Variants in UBR2 observed in about 807,000 individuals in gnomAD.
UBR2 encodes the protein ubiquitin protein ligase E3 component n-recognin 2, also known as E3 ubiquitin-protein ligase UBR2.
In UBR2, 92 loss-of-function variants were observed where a neutral mutation model predicts 247.9. That is an observed-to-expected ratio of 0.37 (90% CI 0.31 to 0.44). The LOEUF (loss-of-function observed/expected upper bound fraction) is 0.44, where lower values mean the gene tolerates loss of function less well. Among genes scored for constraint, UBR2 ranks in the 20% least tolerant of loss-of-function variants. UBR2 has a pLI of 1.00. For synonymous variants in UBR2, 672 were observed against 693.5 expected (o/e 0.97, Z 0.49); for missense variants, 1,613 against 2,112.6 (o/e 0.76, Z 4.64).
In UBR2 at chr6:42,658,058, ACTAG is replaced by A; in HGVS notation, c.2911_2914del (p.Ala971CysfsTer11). 1 of 1,614,072 alleles carries A rather than the reference ACTAG, an allele frequency of 6.2e-7. No individual in the cohort carries two copies. The highest frequency in any genetic ancestry group is 8.5e-7 in the Non-Finnish European group (1 of 1,179,954). ...AAGCGCCAAAAAATTCTCCTAGCAT[ACTAG>A]CTATGCTGGAAACACTACAAAATGC... On this transcript the variant is annotated frameshift_variant, in exon 27 of 47. Coordinates refer to ENST00000372901, the MANE Select transcript of UBR2 (RefSeq NM_001363705.2). LOFTEE classifies it high-confidence loss of function.
chr6:42,601,636 C>T (rs529092413), intron 4 of UBR2, among the ~76,000 whole-genome samples: 2 of 145,200 alleles, frequency 1.4e-5, no homozygotes, highest in South Asian at 2.2e-4. Context: ...TACAGTGAGC[C>T]GAGATTGTGC....
intron 26 of UBR2, 143 bp from the exon 27 acceptor site, chr6:42,657,881 T>C: frequency 1.7e-6 from 1 of 582,352 alleles, no homozygotes; most frequent in South Asian, 2.9e-5. Context: ...TCAAGAAGTA[T>C]TGAAAATCTC....
chr6:42,655,452 C>CAA (rs200885359), intron 25 of UBR2, among the ~76,000 whole-genome samples, 169 bp from the exon 26 acceptor site: 12 of 84,856 alleles, frequency 1.4e-4, no homozygotes, highest in East Asian at 1.3e-3. Flanking sequence ...AACTCCATCT[C>CAA]AAAAAAAAAA....
At chr6:42,662,302 CAA>C (rs766039324) in intron 31 of UBR2, 25 bp downstream of exon 31, 55 of 1,439,696 alleles carry the variant, frequency 3.8e-5, no homozygotes, top group Admixed American at 1.9e-4. Context: ...TAATATTTGT[CAA>C]GAGAAGTTTA....
chr6:42,582,502 G>T (rs1791976723), intron 2 of UBR2, among the ~76,000 whole-genome samples: 1 of 151,942 alleles, frequency 6.6e-6, no homozygotes, highest in South Asian at 2.1e-4. Context: ...TAAAAGGGCA[G>T]GTATATGTTG....
At chr6:42,606,211 C>G (rs916972898) in intron 6 of UBR2, among the ~76,000 whole-genome samples, 7 of 150,646 alleles carry the variant, frequency 4.6e-5, no homozygotes, top group Admixed American at 3.3e-4. Context: ...CCATTGCACT[C>G]GAGCCTGGGC....
chr6:42,582,920 C>T (rs73438646), intron 2 of UBR2, among the ~76,000 whole-genome samples: 3,329 of 151,904 alleles, frequency 0.022, 110 homozygotes, highest in African/African-American at 0.075. Context: ...TCCTTAATGA[C>T]GATTTTCCAT....
chr6:42,603,697 TGCCAGC>T lies in UBR2; in HGVS notation c.642_647del (p.Pro215_Ala216del). ...TTAACCTGGGAAAAAGAAAGTGAAT[TGCCAGC>T]AGATTTAGAGATGGTGTAAGTATAA... On this transcript the variant is annotated inframe_deletion, in exon 5 of 47. Transcript: ENST00000372901. 6.3e-7 allele frequency: 1 copy of T among 1,598,084 alleles called. No individual in the cohort carries two copies. The highest frequency in any genetic ancestry group is 8.5e-7 in the Non-Finnish European group (1 of 1,176,512).
chr6:42,670,567 T>C, intron 35 of UBR2, 93 bp from the exon 36 acceptor site: 1 of 860,406 alleles, frequency 1.2e-6, no homozygotes, highest in Non-Finnish European at 1.7e-6. Flanking sequence ...TTGTACTTTC[T>C]GTAGGATTGG....
chr6:42,570,551 A>C (rs1168302867), intron 1 of UBR2, among the ~76,000 whole-genome samples: 1 of 152,104 alleles, frequency 6.6e-6, no homozygotes, highest in African/African-American at 2.4e-5. Flanking sequence ...GATTTGAAAA[A>C]TGGGGAGCAT....
intron 2 of UBR2, 123 bp downstream of exon 2, chr6:42,574,116 A>T: frequency 4.3e-6 from 4 of 924,476 alleles, no homozygotes; most frequent in Non-Finnish European, 6.0e-6. Context: ...AATCTGTATT[A>T]CAAATACATG....
rs992124171 is a variant in UBR2, at chr6:42,659,221, C to T, written c.3242+397C>T. On this transcript the variant is annotated intron_variant, in intron 29 of 46. Transcript: ENST00000372901. This position sits in a 1 kb window ranked among gnomAD's most constrained non-coding sequence, Gnocchi z 4.3. ...TTAAATATATACATTCCTGGCTGTG[C>T]GTGGTGGCTCACGCCTGTAATCCCA... 3.3e-5 allele frequency among the ~76,000 whole-genome samples: 5 copies of T among 151,956 alleles called. No individual in the cohort carries two copies. Among genetic ancestry groups the T allele is most frequent in the African/African-American group, 4.8e-5 (2 of 41,358 alleles).
At position 42,658,225 on chromosome 6, in the gene UBR2, C is replaced by CTT; in HGVS notation, c.2983-6_2983-5dup. 9 of 1,335,318 alleles carry CTT rather than the reference C, an allele frequency of 6.7e-6. No individual in the cohort carries two copies. Among genetic ancestry groups the CTT allele is most frequent in the Admixed American group, 3.9e-5 (2 of 50,812 alleles). 82.7% of individuals were successfully genotyped at this position (1,335,318 alleles called of 1,614,324 possible). On this transcript the variant is annotated splice_polypyrimidine_tract_variant and intron_variant, in intron 27 of 46. Coordinates refer to ENST00000372901, the MANE Select transcript of UBR2 (RefSeq NM_001363705.2). Reference sequence around the variant, plus strand: ...TCATATTTCATACAGGATACTGATACTTTTTTTTTTGTAGACTTTTAATGC... The same window carrying CTT: ...TCATATTTCATACAGGATACTGATACTTTTTTTTTTTTGTAGACTTTTAATGC...
chr6:42,583,992 ATTTTTTTTT>A (rs199507142), intron 2 of UBR2, among the ~76,000 whole-genome samples: 1 of 120,608 alleles, frequency 8.3e-6, no homozygotes, highest in Non-Finnish European at 1.7e-5. Context: ...TCCCCATTGA[ATTTTTTTTT>A]TTTTTTTTTT....
In UBR2 at chr6:42,667,579, A is replaced by C. The variant is rs1798177542; in HGVS notation, c.3881+1334A>C. Among the ~76,000 whole-genome samples the C allele has an allele frequency of 4.7e-5, 3 of 63,962 alleles. No homozygotes were observed. In the Admixed American group the frequency reaches 4.9e-4, roughly 11 times the overall value. 42.0% of individuals were successfully genotyped at this position (63,962 alleles called of 152,430 possible). ...TAGAATTATATTTCCTTTCTTGTAC[A>C]GTTTTGTCTTTTTTTTTTTTTTTTT... On this transcript the variant is annotated intron_variant, in intron 34 of 46. Coordinates refer to ENST00000372901, the MANE Select transcript of UBR2 (RefSeq NM_001363705.2).
At chr6:42,656,349 T>C (rs186597674) in intron 26 of UBR2, among the ~76,000 whole-genome samples, 2 of 152,356 alleles carry the variant, frequency 1.3e-5, no homozygotes, top group East Asian at 3.9e-4. Context: ...TTCAGTGTTT[T>C]ATAGTCACTT....
At chr6:42,628,330 A>T (rs1240843313) in intron 11 of UBR2, among the ~76,000 whole-genome samples, 1 of 152,208 alleles carries the variant, frequency 6.6e-6, no homozygotes, top group Non-Finnish European at 1.5e-5. Context: ...GGTTAAAAAT[A>T]ACTTGCCCTA....
Position 42,689,810 on chromosome 6 carries a change from G to T in UBR2, c.5126+140G>T, listed in dbSNP as rs1032812435. 1.4e-6 allele frequency: 1 copy of T among 739,802 alleles called. No homozygotes were observed. Among genetic ancestry groups the T allele is most frequent in the Non-Finnish European group, 2.3e-6 (1 of 430,200 alleles). 45.8% of individuals were successfully genotyped at this position (739,802 alleles called of 1,614,324 possible). A position where few individuals can be genotyped will look rare whatever the true frequency, so the allele number is the denominator to read the frequency against. Reference sequence around the variant, plus strand: ...TGGAGTCTTCCAAGGAGGGTGCCCTGTCAGCCTGGTTTGGTGTTCTTTTCC... The same window carrying T: ...TGGAGTCTTCCAAGGAGGGTGCCCTTTCAGCCTGGTTTGGTGTTCTTTTCC... On this transcript the variant is annotated intron_variant, in intron 46 of 46. Transcript: ENST00000372901. The surrounding 1 kb of genome is among the most constrained non-coding windows in gnomAD (Gnocchi z 4.0).
chr6:42,607,259 C>T (rs1793760397), intron 7 of UBR2, among the ~76,000 whole-genome samples: 3 of 151,454 alleles, frequency 2.0e-5, no homozygotes, highest in South Asian at 4.2e-4. Flanking sequence ...CTTCCTCTGC[C>T]TCCTGGGTTC....
Sources: allele counts gnomAD v4.1 joint callset (sites outside exome capture counted in the v4.1 genomes callset), GRCh38; gene constraint gnomAD v4.1.1; non-coding constraint Gnocchi (gnomAD v3.1); transcripts MANE v1.5; gene names NCBI Gene and HGNC (gene_info 2026-07-23, HGNC 2026-07-21).